ARID1B: variants seen among roughly 807,000 people sequenced by gnomAD.
ARID1B encodes the protein AT-rich interactive domain-containing protein 1B.
Under a neutral mutation model 212.3 loss-of-function variants are expected in ARID1B, and 30 were observed. The ratio of observed to expected loss-of-function variants is 0.14; its 90% CI spans 0.11 to 0.19. The LOEUF is 0.19. Among genes scored for constraint, ARID1B ranks in the 10% least tolerant of loss-of-function variants. The probability of loss-of-function intolerance (pLI) is 1.00; values close to 1 mark genes in which losing one functional copy is unlikely to be tolerated. For missense variants in ARID1B, 2,891 were observed against 3,204.0 expected, an observed-to-expected ratio of 0.90 and a Z score of 2.36; for synonymous variants, 1,402 against 1,301.7, an observed-to-expected ratio of 1.08 and a Z score of -1.66.
At chr6:156,887,877 G>A (rs1267294999) in intron 2 of ARID1B, among the ~76,000 whole-genome samples, 1 of 152,228 alleles carries the variant, frequency 6.6e-6, no homozygotes, top group East Asian at 1.9e-4. Context: ...GTGGCCTGCA[G>A]TGAATGGTCT....
intron 5 of ARID1B, among the ~76,000 whole-genome samples, chr6:157,097,892 A>C (rs1010126597): frequency 2.0e-5 from 3 of 152,242 alleles, no homozygotes; most frequent in Non-Finnish European, 4.4e-5. Flanking sequence ...GAATAAAAGC[A>C]GATTTCTTCA....
At chr6:156,868,136 T>C (rs1445597309) in intron 2 of ARID1B, among the ~76,000 whole-genome samples, 1 of 151,846 alleles carries the variant, frequency 6.6e-6, no homozygotes, top group Non-Finnish European at 1.5e-5. Flanking sequence ...TCTGATTCAT[T>C]ATTTTGGATC....
chr6:157,023,944 G>A (rs896290967), intron 4 of ARID1B: 2 of 152,150 alleles, frequency 1.3e-5, no homozygotes, highest in African/African-American at 2.4e-5. Context: ...AGTTATCTCA[G>A]GTTATTTATT....
chr6:157,193,534 C>T (rs1793527906), intron 15 of ARID1B: 1 of 152,182 alleles, frequency 6.6e-6, no homozygotes, highest in Non-Finnish European at 1.5e-5. Context: ...AGGTGGCCGC[C>T]ATCATCTGGG....
rs150249066 is a variant in ARID1B at position 157,054,816 on chromosome 6, C to T, written c.2248-29846C>T. Among the ~76,000 whole-genome samples the T allele has an allele frequency of 6.9e-3, 1,054 of 152,328 alleles. 12 individuals are homozygous for T. Among genetic ancestry groups the T allele is most frequent in the African/African-American group, 0.024 (983 of 41,576 alleles). ...ATACATTTTATTTTAGCATAAAACACATAAATGTCTATTCACGTGTACCTC... is the reference window on the plus strand; with the variant it reads ...ATACATTTTATTTTAGCATAAAACATATAAATGTCTATTCACGTGTACCTC... On this transcript the variant is annotated intron_variant, in intron 4 of 19. Transcript: ENST00000636930.
At chr6:156,983,852 A>G (rs1777766383) in intron 4 of ARID1B, among the ~76,000 whole-genome samples, 1 of 152,104 alleles carries the variant, frequency 6.6e-6, no homozygotes, top group African/African-American at 2.4e-5. Context: ...TGAGCTGTTC[A>G]GGTTATACCA....
At chr6:156,968,572 C>T (rs916895507) in intron 4 of ARID1B, among the ~76,000 whole-genome samples, 1 of 152,220 alleles carries the variant, frequency 6.6e-6, no homozygotes, top group African/African-American at 2.4e-5. Context: ...TCAGCTTTTG[C>T]TCTTTGGTTC....
intron 5 of ARID1B, 75 bp downstream of exon 5, chr6:157,084,980 A>G: frequency 6.6e-7 from 1 of 1,509,468 alleles, no homozygotes. Context: ...AGTAACTCAC[A>G]TTACTTTACT....
rs149279472 is a variant in ARID1B at position 157,086,159 on chromosome 6, G to A, written c.2491+1254G>A. Among the ~76,000 whole-genome samples the A allele has an allele frequency of 6.8e-4, 104 of 152,306 alleles. 2 individuals carry two copies. The highest frequency in any genetic ancestry group is 2.2e-3 in the African/African-American group (92 of 41,576). ...GCATAAGCCAGAAGGTCTTGGGCAGGTCAGATAATATGGTCAACCCACTTG... is the reference window on the plus strand; with the variant it reads ...GCATAAGCCAGAAGGTCTTGGGCAGATCAGATAATATGGTCAACCCACTTG... On this transcript the variant is annotated intron_variant, in intron 5 of 19. Coordinates refer to ENST00000636930, the MANE Select transcript of ARID1B (RefSeq NM_001374828.1).
At chr6:156,803,937 T>G (rs879532618) in intron 1 of ARID1B, among the ~76,000 whole-genome samples, 1 of 152,208 alleles carries the variant, frequency 6.6e-6, no homozygotes, top group African/African-American at 2.4e-5. Context: ...GTAAAGCATA[T>G]AGCTTTACAT....
intron 4 of ARID1B, among the ~76,000 whole-genome samples, chr6:157,019,984 T>C (rs961914109): frequency 3.9e-5 from 6 of 152,170 alleles, no homozygotes; most frequent in African/African-American, 1.4e-4. Flanking sequence ...TTAAGTCCTT[T>C]AGGGTTTTTT....
chr6:157,085,054 C>T (rs1272547194), intron 5 of ARID1B, 149 bp downstream of exon 5: 4 of 1,001,564 alleles, frequency 4.0e-6, no homozygotes, highest in Non-Finnish European at 4.2e-6. Context: ...ATACGAGAGT[C>T]CCAGTTCCTA....
intron 4 of ARID1B, among the ~76,000 whole-genome samples, chr6:157,054,041 A>G (rs566671229): frequency 6.6e-6 from 1 of 152,302 alleles, no homozygotes; most frequent in African/African-American, 2.4e-5. Flanking sequence ...CCTGACCAAC[A>G]TGGAGAAACC....
At chr6:157,008,413 T>G (rs1293615630) in intron 4 of ARID1B, among the ~76,000 whole-genome samples, 1 of 152,180 alleles carries the variant, frequency 6.6e-6, no homozygotes. Context: ...CCTTTTAACC[T>G]CCATGCTGCT....
At chr6:156,990,173 CTT>C (rs11156127) in intron 4 of ARID1B, among the ~76,000 whole-genome samples, 140 of 134,762 alleles carry the variant, frequency 1.0e-3, no homozygotes, top group East Asian at 1.1e-3. Flanking sequence ...ATTTCCTTAA[CTT>C]TTTTTTTTTT....
intron 4 of ARID1B, among the ~76,000 whole-genome samples, chr6:157,010,302 T>TTG (rs1554282404): frequency 6.9e-4 from 83 of 120,878 alleles, no homozygotes; most frequent in African/African-American, 2.0e-3. Context: ...TTTTTTTTTT[T>TTG]TTGTTGTTGT....
intron 3 of ARID1B, among the ~76,000 whole-genome samples, chr6:156,934,570 A>G (rs1262517273): frequency 6.6e-5 from 10 of 152,256 alleles, no homozygotes; most frequent in East Asian, 5.8e-4. Context: ...ATGGAGTTCT[A>G]TATATGCGTG....
chr6:156,843,952 GTGCCCCTAGACC>G (rs1484012025), intron 2 of ARID1B, among the ~76,000 whole-genome samples: 1 of 152,128 alleles, frequency 6.6e-6, no homozygotes, highest in East Asian at 1.9e-4. Context: ...TGGGGAATAG[GTGCCCCTAGACC>G]TGGATCTTGC....
At chr6:156,805,975 C>T (rs1259266670) in intron 1 of ARID1B, among the ~76,000 whole-genome samples, 1 of 152,152 alleles carries the variant, frequency 6.6e-6, no homozygotes, top group Non-Finnish European at 1.5e-5. Flanking sequence ...CTGTGCCCAG[C>T]CACATTTTTC....
Sources: gnomAD v4.1 joint callset for allele counts (sites outside exome capture counted in the v4.1 genomes callset) on GRCh38, gnomAD v4.1.1 for gene constraint, MANE v1.5 for transcripts, NCBI Gene and HGNC (gene_info 2026-07-23, HGNC 2026-07-21) for gene names.